Variants in PPP1R37 observed in about 807,000 individuals in gnomAD.
The protein encoded by PPP1R37 is protein phosphatase 1 regulatory subunit 37, also known as leucine rich repeat containing 68.
In PPP1R37, 21 loss-of-function variants were observed where a neutral mutation model predicts 61.0. That is an observed-to-expected ratio of 0.34 (90% confidence interval 0.24 to 0.50). The LOEUF (loss-of-function observed/expected upper bound fraction) is 0.50. Ranked by LOEUF, PPP1R37 falls within the 20% of genes least tolerant of loss-of-function variation. PPP1R37 has a pLI of 0.98. For missense variants in PPP1R37, 910 were observed against 952.7 expected, an observed-to-expected ratio of 0.96 and a Z score of 0.59; for synonymous variants, 443 against 433.5, an observed-to-expected ratio of 1.02 and a Z score of -0.27.
intron 1 of PPP1R37, among the ~76,000 whole-genome samples, chr19:45,104,276 C>G (rs1968101783): frequency 6.6e-6 from 1 of 152,210 alleles, no homozygotes; most frequent in Non-Finnish European, 1.5e-5. Flanking sequence ...TGGACCAGTG[C>G]TGCAGAGGGC....
At chr19:45,132,101 G>C (rs1391141554) in intron 1 of PPP1R37, among the ~76,000 whole-genome samples, 2 of 152,098 alleles carry the variant, frequency 1.3e-5, no homozygotes, top group African/African-American at 4.8e-5. Context: ...GAACACACCT[G>C]TCCTCCTCTC....
rs1599712785 is a variant in PPP1R37 at position 45,143,401 on chromosome 19, G to A, written c.875-120G>A. Reference sequence around the variant, plus strand: ...GGCCGAGGCAGGGCTGCAGGGCAAGGCCTGGGACTGCGGGGCCTCCATGGA... The same window carrying A: ...GGCCGAGGCAGGGCTGCAGGGCAAGACCTGGGACTGCGGGGCCTCCATGGA... On this transcript the variant is annotated intron_variant, in intron 7 of 12. Transcript: ENST00000221462. 4 of 619,764 alleles carry A rather than the reference G, an allele frequency of 6.5e-6. No individual in the cohort carries two copies. In the East Asian group the frequency reaches 1.1e-4, roughly 18 times the overall value. 38.4% of individuals were successfully genotyped at this position (619,764 alleles called of 1,614,324 possible).
chr19:45,142,515 C>T, intron 7 of PPP1R37, 57 bp downstream of exon 7: 1 of 1,496,904 alleles, frequency 6.7e-7, no homozygotes, highest in Non-Finnish European at 9.0e-7. Context: ...CTCTGCCCGG[C>T]CCTGCGCTAG....
chr19:45,114,773 C>A (rs924230139), intron 1 of PPP1R37, among the ~76,000 whole-genome samples: 2 of 141,844 alleles, frequency 1.4e-5, no homozygotes, highest in African/African-American at 2.6e-5. Flanking sequence ...AAGTGAGACC[C>A]CCCCCCCCAT....
At chr19:45,143,432 T>G in intron 7 of PPP1R37, 89 bp from the exon 8 acceptor site, 1 of 745,750 alleles carries the variant, frequency 1.3e-6, no homozygotes, top group Non-Finnish European at 2.2e-6. Context: ...ATGGAGGTCC[T>G]AAGCAGAGGG....
chr19:45,126,139 A>C (rs542387210), intron 1 of PPP1R37, among the ~76,000 whole-genome samples: 5 of 152,190 alleles, frequency 3.3e-5, no homozygotes, highest in Admixed American at 2.0e-4. Context: ...ACGCTGTCCC[A>C]CATGGGCCGG....
At chr19:45,138,348 G>T (rs2122750474) in intron 1 of PPP1R37, among the ~76,000 whole-genome samples, 166 bp from the exon 2 acceptor site, 1 of 152,340 alleles carries the variant, frequency 6.6e-6, no homozygotes, top group Non-Finnish European at 1.5e-5. Flanking sequence ...ACCTCGGGCA[G>T]TGGCCAGCGG....
intron 1 of PPP1R37, among the ~76,000 whole-genome samples, chr19:45,099,263 C>T (rs1968032335): frequency 6.6e-6 from 1 of 152,222 alleles, no homozygotes; most frequent in Non-Finnish European, 1.5e-5. Flanking sequence ...AGTCCCTGAC[C>T]TCCAGGCCTG....
At chr19:45,143,435 G>A in intron 7 of PPP1R37, 86 bp from the exon 8 acceptor site, 1 of 762,648 alleles carries the variant, frequency 1.3e-6, no homozygotes, top group Non-Finnish European at 2.2e-6. Context: ...GAGGTCCTAA[G>A]CAGAGGGGGT....
Position 45,130,192 on chromosome 19 carries a change from G to T in PPP1R37, c.203-8322G>T, listed in dbSNP as rs905813451. ...GACAGGTGAGGCTGTCACCATCCAA[G>T]ATGGCAATCTGGTGTGCCATTCCTG... On this transcript the variant is annotated intron_variant, in intron 1 of 12. Transcript: ENST00000221462. The surrounding 1 kb of genome is among the most constrained non-coding windows in gnomAD (Gnocchi z 4.4). 6.6e-6 allele frequency among the ~76,000 whole-genome samples: 1 copy of T among 152,182 alleles called. No individual in the cohort carries two copies. Among genetic ancestry groups the T allele is most frequent in the Non-Finnish European group, 1.5e-5 (1 of 68,024 alleles).
At chr19:45,135,964 G>A (rs1401461682) in intron 1 of PPP1R37, 1 of 152,100 alleles carries the variant, frequency 6.6e-6, no homozygotes, top group Non-Finnish European at 1.5e-5. Context: ...TGTATTTTTA[G>A]TAGAGGCTGA....
Position 45,145,635 on chromosome 19 carries a change from C to T in PPP1R37, c.1579C>T (p.Pro527Ser). ...EEEEGERDET[P>S]CPALVPPTDS... ...AGAGGAAGGGGAGAGGGACGAGACC[C>T]CCTGTCCTGCCCTGGTGCCCCCCAC... Residue 527 changes from proline to serine, a missense_variant, in exon 11 of 13, where the codon CCC becomes TCC. Around this residue, in one of 3 missense-constraint regions of PPP1R37, gnomAD observed 549 missense variants for 505.1 expected, o/e 1.09. Coordinates refer to ENST00000221462, the MANE Select transcript of PPP1R37 (RefSeq NM_019121.2). 1.3e-6 allele frequency: 2 copies of T among 1,535,778 alleles called. No homozygotes were observed. The highest frequency in any genetic ancestry group is 8.7e-7 in the Non-Finnish European group (1 of 1,146,688).
Position 45,145,817 on chromosome 19 carries a change from CACCCCTCCCTCT to C in PPP1R37, c.1762_1773del (p.Thr588_Ser591del). ...AGAGGGCAGAGCCCCCTGCGTCCCC[CACCCCTCCCTCT>C]CCCCCACCCCCTCCCTCCCCACCCG... On this transcript the variant is annotated inframe_deletion, in exon 11 of 13. Transcript: ENST00000221462. The C allele has an allele frequency of 2.1e-6, 3 of 1,415,326 alleles. No individual in the cohort carries two copies. The highest frequency in any genetic ancestry group is 5.3e-5 in the Admixed American group (2 of 37,898). 87.7% of individuals were successfully genotyped at this position (1,415,326 alleles called of 1,614,324 possible).
At chr19:45,128,727 G>C in intron 1 of PPP1R37, 1 of 842,994 alleles carries the variant, frequency 1.2e-6, no homozygotes, top group South Asian at 1.5e-5. Context: ...GCACAGCCGC[G>C]TCAAGGTCCA....
At chr19:45,093,950 G>A (rs1446592684) in intron 1 of PPP1R37, among the ~76,000 whole-genome samples, 1 of 152,220 alleles carries the variant, frequency 6.6e-6, no homozygotes, top group Non-Finnish European at 1.5e-5. Context: ...GGTAAAAAGA[G>A]GTTAAGTTGC....
intron 4 of PPP1R37, 167 bp downstream of exon 4, chr19:45,140,773 C>T: frequency 1.6e-6 from 1 of 608,534 alleles, no homozygotes; most frequent in Non-Finnish European, 2.9e-6. Flanking sequence ...CCAATATGAC[C>T]AGAGTGGATG....
rs11295552 is a variant in PPP1R37, at chr19:45,127,352, CAAAAAAAAAA to C, written c.203-11147_203-11138del. Among the ~76,000 whole-genome samples, 42 of 69,660 alleles carry C rather than the reference CAAAAAAAAAA, an allele frequency of 6.0e-4. 1 individual carries two copies. The highest frequency in any genetic ancestry group is 1.8e-3 in the African/African-American group (36 of 20,568). The allele number at this position is 69,660 out of a possible 152,430, so 45.7% of individuals were successfully genotyped here. ...GGGCAAGAAGAGTAAAACTCCATCT[CAAAAAAAAAA>C]AAAAAAAAAAAAAACCCTAGGTGGC... On this transcript the variant is annotated intron_variant, in intron 1 of 12. Coordinates refer to ENST00000221462, the MANE Select transcript of PPP1R37 (RefSeq NM_019121.2).
chr19:45,100,677 C>T (rs1261642301), intron 1 of PPP1R37, among the ~76,000 whole-genome samples: 3 of 152,190 alleles, frequency 2.0e-5, no homozygotes, highest in Admixed American at 6.5e-5. Flanking sequence ...ACGTGCCATA[C>T]GGTCTCTTCA....
intron 1 of PPP1R37, chr19:45,128,516 A>G (rs1410084827): frequency 3.8e-6 from 4 of 1,058,130 alleles, no homozygotes; most frequent in Non-Finnish European, 5.5e-6. Context: ...TGCAGCGAGA[A>G]GACAAGGTTG....
Sources: gnomAD v4.1 joint callset for allele counts (sites outside exome capture counted in the v4.1 genomes callset) on GRCh38, gnomAD v4.1.1 for gene constraint, gnomAD v4.1.1 regional missense constraint, Gnocchi (gnomAD v3.1) non-coding constraint, MANE v1.5 for transcripts, NCBI Gene and HGNC (gene_info 2026-07-23, HGNC 2026-07-21) for gene names.